The following SAG variants were observed in gnomAD, a reference collection of about 807,000 sequenced individuals.
The protein encoded by SAG is S-antigen visual arrestin, also known as S-arrestin.
A neutral mutation model predicts 55.0 loss-of-function variants in SAG; 45 were observed. The ratio of observed to expected loss-of-function variants is 0.82; its 90% CI spans 0.64 to 1.05. The LOEUF is 1.05. Ranked by LOEUF, SAG falls within the 50% of genes least tolerant of loss-of-function variation. The pLI is 0.00. For synonymous variants in SAG, 189 were observed against 197.4 expected, an observed-to-expected ratio of 0.96 and a Z score of 0.36; for missense variants, 455 against 512.1, an observed-to-expected ratio of 0.89 and a Z score of 1.08.
intron 13 of SAG, among the ~76,000 whole-genome samples, chr2:233,341,305 G>T (rs749117699): frequency 1.3e-5 from 2 of 152,072 alleles, no homozygotes; most frequent in Non-Finnish European, 2.9e-5. Flanking sequence ...CACTATGCCC[G>T]ACTAAGAGCT....
chr2:233,315,725 C>T (rs1384440395), intron 2 of SAG, among the ~76,000 whole-genome samples: 5 of 146,966 alleles, frequency 3.4e-5, no homozygotes, highest in Non-Finnish European at 5.9e-5. Context: ...TTTTTTGAGA[C>T]GGAGTCTCAC....
intron 9 of SAG, among the ~76,000 whole-genome samples, chr2:233,329,889 T>C (rs539559490): frequency 1.5e-4 from 23 of 152,346 alleles, no homozygotes; most frequent in Non-Finnish European, 2.6e-4. Flanking sequence ...CACATTGTTG[T>C]GGGTGAGGCC....
intron 8 of SAG, 69 bp from the exon 9 acceptor site, chr2:233,329,424 G>A (rs941174107): frequency 1.1e-6 from 1 of 920,108 alleles, no homozygotes; most frequent in Admixed American, 1.9e-5. Flanking sequence ...GATGAATCTA[G>A]AAAGCAGTAA....
Position 233,335,083 on chromosome 2 carries a change from C to T in SAG, c.928C>T (p.Leu310Phe). The T allele has an allele frequency of 1.9e-6, 3 of 1,613,750 alleles. No individual in the cohort carries two copies. The highest frequency in any genetic ancestry group is 2.5e-6 in the Non-Finnish European group (3 of 1,179,716). ...DGKIKHEDTN[L>F]ASSTIIKEGI... is the part of the protein sequence containing the mutation. Reference sequence around the variant, plus strand: ...GAAAATCAAGCACGAGGACACAAACCTTGCCTCCAGCACCATGTGAGTCCT... The same window carrying T: ...GAAAATCAAGCACGAGGACACAAACTTTGCCTCCAGCACCATGTGAGTCCT... The change falls in exon 11 of 16, where the codon CTT (leucine) becomes TTT (phenylalanine). Residue 310 changes from leucine to phenylalanine, a missense_variant. Coordinates refer to ENST00000409110, the MANE Select transcript of SAG (RefSeq NM_000541.5).
intron 6 of SAG, among the ~76,000 whole-genome samples, 163 bp from the exon 7 acceptor site, chr2:233,326,958 A>G (rs1180704448): frequency 6.6e-6 from 1 of 152,230 alleles, no homozygotes; most frequent in Non-Finnish European, 1.5e-5. Flanking sequence ...TTTCACTGTC[A>G]GTATGCTTCC....
At chr2:233,309,007 T>C (rs1162018598) in intron 1 of SAG, 155 bp from the exon 2 acceptor site, 1 of 546,126 alleles carries the variant, frequency 1.8e-6, no homozygotes, top group African/African-American at 1.9e-5. Context: ...AAGCAAAGAC[T>C]CACCGATGAA....
intron 10 of SAG, chr2:233,332,059 A>C: frequency 3.3e-6 from 1 of 300,522 alleles, no homozygotes; most frequent in Non-Finnish European, 6.3e-6. Flanking sequence ...ACCTCCCAGA[A>C]GATGGTCAAA....
chr2:233,325,004 T>C (rs954814598), intron 6 of SAG, among the ~76,000 whole-genome samples: 2 of 152,046 alleles, frequency 1.3e-5, no homozygotes, highest in Non-Finnish European at 2.9e-5. Context: ...GGCGGGCAGA[T>C]CACCTGTGGT....
At chr2:233,343,730 C>T in intron 14 of SAG, 1 of 1,202,674 alleles carries the variant, frequency 8.3e-7, no homozygotes, top group Non-Finnish European at 1.1e-6. Context: ...AAAAACAGAT[C>T]TGTCTAAATG....
intron 2 of SAG, among the ~76,000 whole-genome samples, chr2:233,312,946 C>A (rs543652091): frequency 6.6e-6 from 1 of 152,340 alleles, no homozygotes; most frequent in East Asian, 1.9e-4. Flanking sequence ...GAGCAGGGAC[C>A]TTGGGGACCA....
intron 2 of SAG, among the ~76,000 whole-genome samples, chr2:233,314,950 C>T (rs899797013): frequency 2.0e-5 from 3 of 152,280 alleles, no homozygotes; most frequent in Middle Eastern, 3.4e-3. Flanking sequence ...TTCATTGGTG[C>T]ACTTGGCAAA....
At chr2:233,343,112 G>C (rs1362555384) in intron 14 of SAG, 1 of 129,422 alleles carries the variant, frequency 7.7e-6, no homozygotes, top group African/African-American at 3.0e-5. Flanking sequence ...TTCTGAGATG[G>C]AGTCTCTGTC....
At chr2:233,329,463 T>G (rs375401582) in intron 8 of SAG, 30 bp from the exon 9 acceptor site, 5 of 1,412,786 alleles carry the variant, frequency 3.5e-6, no homozygotes, top group Non-Finnish European at 5.0e-6. Context: ...ATCTGTTCTC[T>G]TCTTCTGACC....
chr2:233,337,156 C>G (rs1411579458), intron 11 of SAG, among the ~76,000 whole-genome samples: 1 of 151,338 alleles, frequency 6.6e-6, no homozygotes, highest in Non-Finnish European at 1.5e-5. Context: ...CCCCTTTTTT[C>G]CCTTTGGAGG....
chr2:233,340,362 T>C lies in SAG; in HGVS notation c.1023-93T>C, dbSNP rs112664796. ...GTTGTGAGTTCGGGTGCAAGGGCCA[T>C]GAGAGCTGGGCTGTGTCCTGCCTCT... On this transcript the variant is annotated intron_variant, in intron 12 of 15. Coordinates refer to ENST00000409110, the MANE Select transcript of SAG (RefSeq NM_000541.5). This position sits in a 1 kb window ranked among gnomAD's most constrained non-coding sequence, Gnocchi z 4.2. 684 of 1,099,704 alleles carry C rather than the reference T, an allele frequency of 6.2e-4. No individual in the cohort carries two copies. The African/African-American group carries it at 9.0e-3, about 14-fold the overall frequency. 68.1% of individuals were successfully genotyped at this position (1,099,704 alleles called of 1,614,324 possible).
intron 8 of SAG, chr2:233,329,280 T>C (rs981918860): frequency 3.1e-5 from 16 of 522,752 alleles, no homozygotes; most frequent in Non-Finnish European, 4.5e-5. Flanking sequence ...GATGTGATGA[T>C]CGGAACTCTG....
Position 233,340,483 on chromosome 2 carries a change from G to T in SAG, c.1046+5G>T, listed in dbSNP as rs1442282483. The T allele has an allele frequency of 6.2e-7, 1 of 1,609,194 alleles. No homozygotes were observed. The highest frequency in any genetic ancestry group is 1.7e-5 in the Admixed American group (1 of 59,448). On this transcript the variant is annotated splice_donor_5th_base_variant and intron_variant, in intron 13 of 15. Coordinates refer to ENST00000409110, the MANE Select transcript of SAG (RefSeq NM_000541.5). This position sits in a 1 kb window ranked among gnomAD's most constrained non-coding sequence, Gnocchi z 4.2. ...TCTGGGAGAGCTCACCTCCAGGTAAGCCTGTTCACCTTCCTTGTTTGATTG... is the reference window on the plus strand; with the variant it reads ...TCTGGGAGAGCTCACCTCCAGGTAATCCTGTTCACCTTCCTTGTTTGATTG...
chr2:233,346,821 AT>A lies in SAG; in HGVS notation c.1130del (p.Leu377Ter). On this transcript the variant is annotated frameshift_variant, in exon 16 of 16. Coordinates refer to ENST00000409110, the MANE Select transcript of SAG (RefSeq NM_000541.5). LOFTEE classifies it high-confidence loss of function. ...TTTTATTTTAGTTATCAGGATGCAAATTTAGTTTTTGAGGAGTTTGCTCGCC... is the reference window on the plus strand; with the variant it reads ...TTTTATTTTAGTTATCAGGATGCAAATTAGTTTTTGAGGAGTTTGCTCGCC... ...DPAKESYQDANLVFEEFARHN... is the reference protein window; with the variant it reads ...DPAKESYQDAXLVFEEFARHN... The A allele has an allele frequency of 1.2e-6, 2 of 1,608,668 alleles. No individual in the cohort carries two copies. Among genetic ancestry groups the A allele is most frequent in the Non-Finnish European group, 1.7e-6 (2 of 1,176,110 alleles).
At chr2:233,342,408 C>G (rs1437192908) in intron 14 of SAG, 82 bp downstream of exon 14, 13 of 1,173,234 alleles carry the variant, frequency 1.1e-5, no homozygotes, top group Non-Finnish European at 1.5e-5. Context: ...TCTTTCTTGA[C>G]CGCATCTCAG....
Sources: allele counts gnomAD v4.1 joint callset (sites outside exome capture counted in the v4.1 genomes callset), GRCh38; gene constraint gnomAD v4.1.1; non-coding constraint Gnocchi (gnomAD v3.1); transcripts MANE v1.5; gene names NCBI Gene and HGNC (gene_info 2026-07-23, HGNC 2026-07-21).